NRXN1: variants seen among roughly 807,000 people sequenced by gnomAD.
NRXN1 encodes neurexin-1.
NRXN1 carries 39 observed loss-of-function variants against 150.9 expected under a neutral mutation model. That is an observed-to-expected ratio of 0.26 (90% CI 0.20 to 0.34). NRXN1 has a LOEUF of 0.34. NRXN1 is among the 10% of genes least tolerant of loss of function. NRXN1 has a pLI of 1.00. For missense variants in NRXN1, 1,815 were observed against 1,949.9 expected, an observed-to-expected ratio of 0.93 and a Z score of 1.30; for synonymous variants, 924 against 757.0, an observed-to-expected ratio of 1.22 and a Z score of -3.62.
In NRXN1 at chr2:50,737,504, AT is replaced by A. The variant is rs1222999934; in HGVS notation, c.833-113890del. 7.9e-5 allele frequency among the ~76,000 whole-genome samples: 12 copies of A among 152,312 alleles called. 1 individual carries two copies. Among genetic ancestry groups the A allele is most frequent in the Admixed American group, 7.8e-4 (12 of 15,298 alleles). ...TTTCTCAAAGTGTTTTAAAATGTAA[AT>A]GATAGAGCTGGGATGTGAACCCAGG... On this transcript the variant is annotated intron_variant, in intron 5 of 22. Coordinates refer to ENST00000401669, the MANE Select transcript of NRXN1 (RefSeq NM_001330078.2).
chr2:50,532,641 C>T (rs535971676), intron 10 of NRXN1, among the ~76,000 whole-genome samples: 14 of 152,052 alleles, frequency 9.2e-5, no homozygotes, highest in Non-Finnish European at 1.9e-4. Flanking sequence ...TGTGCTTTTG[C>T]TACACTAAAT....
At chr2:50,495,871 C>T (rs199702591) in intron 15 of NRXN1, 34 bp downstream of exon 15, 1 of 1,539,748 alleles carries the variant, frequency 6.5e-7, no homozygotes, top group African/African-American at 1.4e-5. Flanking sequence ...CCGTGTGGTG[C>T]AAGGCTCGTT....
At chr2:50,311,153 A>G (rs932317449) in intron 17 of NRXN1, among the ~76,000 whole-genome samples, 18 of 152,238 alleles carry the variant, frequency 1.2e-4, no homozygotes, top group African/African-American at 4.1e-4. Flanking sequence ...TATATAATAC[A>G]TGCTTACAAA....
intron 17 of NRXN1, among the ~76,000 whole-genome samples, chr2:50,390,397 T>C (rs1190002318): frequency 6.6e-6 from 1 of 152,150 alleles, no homozygotes; most frequent in African/African-American, 2.4e-5. Context: ...TAAGAGAAGA[T>C]CTTTTTGTGA....
chr2:50,809,090 C>T (rs1210082955), intron 5 of NRXN1, among the ~76,000 whole-genome samples: 2 of 152,060 alleles, frequency 1.3e-5, no homozygotes, highest in Non-Finnish European at 2.9e-5. Flanking sequence ...ACAGTGTTTA[C>T]AGATTAAGAA....
chr2:50,647,372 G>A (rs956713248), intron 5 of NRXN1, among the ~76,000 whole-genome samples: 2 of 151,844 alleles, frequency 1.3e-5, no homozygotes, highest in Non-Finnish European at 2.9e-5. Context: ...CACTAAAGCA[G>A]ATAGAGAACA....
intron 19 of NRXN1, among the ~76,000 whole-genome samples, chr2:50,056,632 T>G (rs901310402): frequency 1.3e-5 from 2 of 152,172 alleles, no homozygotes; most frequent in African/African-American, 4.8e-5. Context: ...TTTAAAAGTG[T>G]ACAAAATTTG....
rs560494642 is a variant in NRXN1, at chr2:50,399,045, T to C, written c.3364+66397A>G. ...TTTCAGGACTGATTGGAGGTCATAA[T>C]GGATTTTCGAAAGTAAAACTCAAAT... On this transcript the variant is annotated intron_variant, in intron 17 of 22. Coordinates refer to ENST00000401669, the MANE Select transcript of NRXN1 (RefSeq NM_001330078.2). 4.6e-5 allele frequency among the ~76,000 whole-genome samples: 7 copies of C among 152,288 alleles called. No individual in the cohort carries two copies. In the South Asian group the frequency reaches 1.5e-3, roughly 32 times the overall value.
At chr2:50,551,432 A>C (rs182001877) in intron 9 of NRXN1, 1 of 152,370 alleles carries the variant, frequency 6.6e-6, no homozygotes, top group South Asian at 2.1e-4. Flanking sequence ...AGTAGAAAAT[A>C]GTTCAGCTGG....
intron 17 of NRXN1, among the ~76,000 whole-genome samples, chr2:50,361,727 C>T (rs1572682048): frequency 6.6e-6 from 1 of 152,104 alleles, no homozygotes. Context: ...GAAAAAGAGG[C>T]ACTCCTCCCT....
intron 17 of NRXN1, among the ~76,000 whole-genome samples, chr2:50,404,756 G>C (rs890729090): frequency 1.3e-5 from 2 of 152,096 alleles, no homozygotes; most frequent in African/African-American, 4.8e-5. Flanking sequence ...GGACATTAAG[G>C]ATCAGGAAAA....
intron 12 of NRXN1, among the ~76,000 whole-genome samples, chr2:50,527,366 G>T (rs189927426): frequency 7.9e-5 from 12 of 152,304 alleles, no homozygotes; most frequent in Non-Finnish European, 1.3e-4. Flanking sequence ...AGGAGATAGA[G>T]TTGGAGAGGA....
chr2:50,612,523 A>G (rs1037545065), intron 8 of NRXN1, among the ~76,000 whole-genome samples: 3 of 152,186 alleles, frequency 2.0e-5, no homozygotes, highest in African/African-American at 7.2e-5. Context: ...CCTCTTGGGT[A>G]ACTCACTGGA....
intron 21 of NRXN1, among the ~76,000 whole-genome samples, chr2:49,955,869 C>CCATT (rs1192862654): frequency 9.2e-5 from 14 of 152,112 alleles, no homozygotes; most frequent in Admixed American, 8.5e-4. Flanking sequence ...ACTGATTCTG[C>CCATT]CATTCATTCA....
At position 50,625,253 on chromosome 2, in the gene NRXN1, G is replaced by A. The variant is rs1246441549; in HGVS notation, c.833-1638C>T. Among the ~76,000 whole-genome samples the A allele has an allele frequency of 2.0e-5, 3 of 152,074 alleles. No individual in the cohort carries two copies. In the East Asian group the frequency reaches 5.8e-4, roughly 29 times the overall value. On this transcript the variant is annotated intron_variant, in intron 5 of 22. Transcript: ENST00000401669. ...TGCCAGATGATCTGCCTTCCTGGAT[G>A]TAGAAAATGGCCATCAGTGGCTACA...
intron 19 of NRXN1, among the ~76,000 whole-genome samples, chr2:50,057,045 T>C (rs762902732): frequency 6.6e-6 from 1 of 152,164 alleles, no homozygotes; most frequent in African/African-American, 2.4e-5. Flanking sequence ...CAGACCTCTC[T>C]ACATCTTCTC....
At chr2:50,396,096 T>G (rs889317919) in intron 17 of NRXN1, among the ~76,000 whole-genome samples, 1 of 152,166 alleles carries the variant, frequency 6.6e-6, no homozygotes, top group Non-Finnish European at 1.5e-5. Context: ...AGAATTCTAA[T>G]TCAATATCCT....
chr2:50,935,865 T>C (rs1688471133), intron 2 of NRXN1, among the ~76,000 whole-genome samples: 1 of 152,172 alleles, frequency 6.6e-6, no homozygotes, highest in East Asian at 1.9e-4. Context: ...AAATTTATAA[T>C]AGACTTTGCC....
chr2:50,287,340 G>T (rs769394951), intron 17 of NRXN1, among the ~76,000 whole-genome samples: 1 of 152,054 alleles, frequency 6.6e-6, no homozygotes, highest in Non-Finnish European at 1.5e-5. Context: ...CATGCCATTA[G>T]TGCTGGAAAG....
Sources: gnomAD v4.1 joint callset for allele counts (sites outside exome capture counted in the v4.1 genomes callset) on GRCh38, gnomAD v4.1.1 for gene constraint, MANE v1.5 for transcripts, NCBI Gene and HGNC (gene_info 2026-07-23, HGNC 2026-07-21) for gene names.